The following MEI4 variants were observed in gnomAD, a reference collection of about 807,000 sequenced individuals.
The protein encoded by MEI4 is meiosis-specific protein MEI4.
In MEI4, 27 loss-of-function variants were observed where a neutral mutation model predicts 31.4. The observed-to-expected ratio is 0.86, with a 90% CI of 0.63 to 1.19. The LOEUF (loss-of-function observed/expected upper bound fraction) is 1.19, where lower values mean the gene tolerates loss of function less well. Among genes scored for constraint, MEI4 ranks in the 50% most tolerant of loss-of-function variants. The pLI is 0.00. For missense variants in MEI4, 329 were observed against 398.9 expected, an observed-to-expected ratio of 0.82 and a Z score of 1.49; for synonymous variants, 122 against 145.4, an observed-to-expected ratio of 0.84 and a Z score of 1.16.
chr6:77,691,950 C>A (rs1012548021), intron 2 of MEI4, among the ~76,000 whole-genome samples: 16 of 152,022 alleles, frequency 1.1e-4, no homozygotes, highest in Non-Finnish European at 2.1e-4. Context: ...AGTGTTATTT[C>A]TTTGCATAAA....
At chr6:77,890,150 C>T (rs6926787) in intron 4 of MEI4, among the ~76,000 whole-genome samples, 47 of 152,292 alleles carry the variant, frequency 3.1e-4, no homozygotes, top group African/African-American at 1.1e-3. Flanking sequence ...CCACCATCGT[C>T]CAGACCCCAG....
intron 3 of MEI4, among the ~76,000 whole-genome samples, chr6:77,805,175 T>C (rs938517280): frequency 2.0e-5 from 3 of 152,112 alleles, no homozygotes; most frequent in African/African-American, 7.2e-5. Flanking sequence ...AAAAATATGA[T>C]AAAACCTAGA....
In MEI4 at chr6:77,818,496, G is replaced by T. The variant is rs541198656; in HGVS notation, c.769-10435G>T. On this transcript the variant is annotated intron_variant, in intron 3 of 4. Coordinates refer to ENST00000684080, the MANE Select transcript of MEI4 (RefSeq NM_001322247.2). Reference sequence around the variant, plus strand: ...TGATTTTCACAATCTTGCTTCTCTGGAAACTTTAAAAGTTTCTTTTCCTGG... The same window carrying T: ...TGATTTTCACAATCTTGCTTCTCTGTAAACTTTAAAAGTTTCTTTTCCTGG... Among the ~76,000 whole-genome samples the T allele has an allele frequency of 2.6e-5, 4 of 152,048 alleles. No individual in the cohort carries two copies. The East Asian group carries it at 7.7e-4, about 29-fold the overall frequency.
rs116104563 is a variant in MEI4 at position 77,702,843 on chromosome 6, C to T, written c.232+11940C>T. Among the ~76,000 whole-genome samples the T allele has an allele frequency of 7.0e-3, 1,061 of 152,230 alleles. 13 individuals carry two copies. The highest frequency in any genetic ancestry group is 0.024 in the African/African-American group (1,001 of 41,536). On this transcript the variant is annotated intron_variant, in intron 2 of 4. Transcript: ENST00000684080. Reference sequence around the variant, plus strand: ...CTTATTTGAATGGACCTTGCTCAGCCCCAGTTTTTTATACATATTCTCTCT... The same window carrying T: ...CTTATTTGAATGGACCTTGCTCAGCTCCAGTTTTTTATACATATTCTCTCT...
At position 77,678,709 on chromosome 6, in the gene MEI4, C is replaced by G. The variant is rs140587401; in HGVS notation, c.-14-11949C>G. Among the ~76,000 whole-genome samples the G allele has an allele frequency of 5.3e-3, 762 of 144,866 alleles. 16 individuals are homozygous for G. The highest frequency in any genetic ancestry group is 1.1e-3 in the Non-Finnish European group (71 of 67,460). On this transcript the variant is annotated intron_variant, in intron 1 of 4. Transcript: ENST00000684080. ...TTTTATCATTATCTTGGAGTGCACT[C>G]TTTCTACTTATTAAAAAAAAAAGAT...
intron 4 of MEI4, among the ~76,000 whole-genome samples, chr6:77,870,860 A>G (rs1171945126): frequency 3.3e-5 from 5 of 152,204 alleles, no homozygotes; most frequent in Admixed American, 1.3e-4. Flanking sequence ...TACTGAAACT[A>G]CTTCTCCCTT....
chr6:77,882,983 T>G (rs935593681), intron 4 of MEI4, among the ~76,000 whole-genome samples: 9 of 152,216 alleles, frequency 5.9e-5, no homozygotes, highest in Admixed American at 6.5e-5. Flanking sequence ...TAGCTAATGA[T>G]AGTGAACTTA....
chr6:77,821,533 C>T lies in MEI4; in HGVS notation c.769-7398C>T, dbSNP rs559729493. On this transcript the variant is annotated intron_variant, in intron 3 of 4. Coordinates refer to ENST00000684080, the MANE Select transcript of MEI4 (RefSeq NM_001322247.2). ...GCTACTGGCCGGGCATGGTGGCTCACGCCTGTAATCCCAGCACTTTGGGAG... is the reference window on the plus strand; with the variant it reads ...GCTACTGGCCGGGCATGGTGGCTCATGCCTGTAATCCCAGCACTTTGGGAG... Among the ~76,000 whole-genome samples, 44 of 152,090 alleles carry T rather than the reference C, an allele frequency of 2.9e-4. No individual in the cohort carries two copies. The Middle Eastern group carries it at 0.017, about 59-fold the overall frequency.
chr6:77,863,689 A>G, intron 4 of MEI4, among the ~76,000 whole-genome samples: 1 of 152,232 alleles, frequency 6.6e-6, no homozygotes, highest in East Asian at 1.9e-4. Flanking sequence ...TCCCCAATCT[A>G]GCAAGGCAGG....
At chr6:77,835,295 G>A (rs1770186805) in intron 4 of MEI4, among the ~76,000 whole-genome samples, 1 of 149,656 alleles carries the variant, frequency 6.7e-6, no homozygotes, top group African/African-American at 2.5e-5. Context: ...AGGTGGAGGA[G>A]GTTGTTGTGA....
rs374179353 is a variant in MEI4, at chr6:77,785,211, G to C, written c.768+23546G>C. Among the ~76,000 whole-genome samples, 46 of 152,152 alleles carry C rather than the reference G, an allele frequency of 3.0e-4. No homozygotes were observed. The East Asian group carries it at 7.0e-3, about 23-fold the overall frequency. On this transcript the variant is annotated intron_variant, in intron 3 of 4. Transcript: ENST00000684080. ...AGGAGGATAAAATGATGTTTTTGGA[G>C]GCACTTTGTAAATTTGTAAAACTTT... is the stretch of plus-strand genomic sequence containing the variant.
intron 3 of MEI4, among the ~76,000 whole-genome samples, chr6:77,780,338 G>A (rs527601012): frequency 6.6e-6 from 1 of 152,218 alleles, no homozygotes; most frequent in Non-Finnish European, 1.5e-5. Flanking sequence ...TCTCTCTGGG[G>A]GAGGGTGATC....
intron 4 of MEI4, among the ~76,000 whole-genome samples, chr6:77,843,717 T>C (rs1770415783): frequency 6.6e-6 from 1 of 152,020 alleles, no homozygotes; most frequent in East Asian, 1.9e-4. Context: ...CAGAAGACAT[T>C]TCTGAAGATG....
intron 1 of MEI4, among the ~76,000 whole-genome samples, chr6:77,666,896 C>T (rs969588179): frequency 4.0e-5 from 6 of 151,208 alleles, no homozygotes; most frequent in South Asian, 4.2e-4. Context: ...TGCGTGCGTG[C>T]GTGCATGTGT....
intron 3 of MEI4, among the ~76,000 whole-genome samples, chr6:77,792,367 T>G (rs1204574753): frequency 2.0e-5 from 3 of 152,146 alleles, no homozygotes; most frequent in Non-Finnish European, 2.9e-5. Flanking sequence ...GGGAACTTTT[T>G]TGGGGAATCT....
intron 2 of MEI4, among the ~76,000 whole-genome samples, chr6:77,733,568 C>T (rs1326004563): frequency 6.6e-6 from 1 of 151,876 alleles, no homozygotes; most frequent in Non-Finnish European, 1.5e-5. Flanking sequence ...TTGATCATTT[C>T]AAAAAACCAG....
At chr6:77,726,342 C>A (rs894137235) in intron 2 of MEI4, among the ~76,000 whole-genome samples, 1 of 151,636 alleles carries the variant, frequency 6.6e-6, no homozygotes, top group African/African-American at 2.4e-5. Context: ...CAGTAACAAT[C>A]TGATCTCTCT....
chr6:77,874,415 T>C (rs1243135050), intron 4 of MEI4, among the ~76,000 whole-genome samples: 1 of 152,244 alleles, frequency 6.6e-6, no homozygotes, highest in Non-Finnish European at 1.5e-5. Flanking sequence ...TTGTCTGTTA[T>C]TGGTGTATAA....
intron 4 of MEI4, among the ~76,000 whole-genome samples, chr6:77,860,974 T>C (rs190398328): frequency 6.6e-6 from 1 of 152,342 alleles, no homozygotes; most frequent in East Asian, 1.9e-4. Flanking sequence ...CAGCCACTTC[T>C]TGTCTCTCAG....
Sources: allele counts gnomAD v4.1 joint callset (sites outside exome capture counted in the v4.1 genomes callset), GRCh38; gene constraint gnomAD v4.1.1; transcripts MANE v1.5; gene names NCBI Gene and HGNC (gene_info 2026-07-23, HGNC 2026-07-21).